KLF12: variants seen among roughly 807,000 people sequenced by gnomAD.
The protein encoded by KLF12 is KLF transcription factor 12, also known as Krueppel-like factor 12.
In KLF12, 9 loss-of-function variants were observed where a neutral mutation model predicts 37.8. The ratio of observed to expected loss-of-function variants is 0.24; its 90% CI spans 0.14 to 0.42. The LOEUF (loss-of-function observed/expected upper bound fraction) is 0.42, where lower values mean the gene tolerates loss of function less well. Among genes scored for constraint, KLF12 ranks in the 10% least tolerant of loss-of-function variants. The pLI, the probability that KLF12 is intolerant of heterozygous loss-of-function variation, is 1.00. For missense variants in KLF12, 411 were observed against 516.0 expected, an observed-to-expected ratio of 0.80 and a Z score of 1.97; for synonymous variants, 208 against 202.1, an observed-to-expected ratio of 1.03 and a Z score of -0.25.
At chr13:74,202,488 T>C in the KLF12 span, among the ~76,000 whole-genome samples, 1 of 152,164 alleles carries the variant, frequency 6.6e-6, no homozygotes, top group Admixed American at 6.6e-5. Flanking sequence ...TACATCTTTC[T>C]GGTTGCAAGG....
chr13:74,218,121 C>T, the KLF12 span, among the ~76,000 whole-genome samples: 1 of 152,132 alleles, frequency 6.6e-6, no homozygotes, highest in African/African-American at 2.4e-5. Flanking sequence ...AACTGCAAGC[C>T]TTAAAAAAAT....
chr13:73,800,161 C>T (rs1360958466), intron 5 of KLF12: 2 of 151,890 alleles, frequency 1.3e-5, no homozygotes, highest in African/African-American at 2.4e-5. Flanking sequence ...GTTTATTCTC[C>T]TAGAATAAGC....
chr13:73,875,489 A>G (rs953231038), intron 3 of KLF12, among the ~76,000 whole-genome samples: 46 of 152,144 alleles, frequency 3.0e-4, no homozygotes, highest in Non-Finnish European at 6.0e-4. Context: ...ATTTTCAGAA[A>G]TTTGATGAAG....
intron 3 of KLF12, among the ~76,000 whole-genome samples, chr13:73,879,140 T>G (rs1886859788): frequency 6.6e-6 from 1 of 152,210 alleles, no homozygotes; most frequent in Admixed American, 6.5e-5. Flanking sequence ...AGGACAGACC[T>G]AGAGACTCTT....
chr13:74,146,246 T>TCCCG, the KLF12 span, among the ~76,000 whole-genome samples: 5 of 152,232 alleles, frequency 3.3e-5, no homozygotes, highest in African/African-American at 1.2e-4. Flanking sequence ...ATACAGACTT[T>TCCCG]CCTGCCGCTC....
the KLF12 span, among the ~76,000 whole-genome samples, chr13:74,166,648 A>G: frequency 6.6e-6 from 1 of 151,986 alleles, no homozygotes; most frequent in African/African-American, 2.4e-5. Flanking sequence ...TATTTTTATT[A>G]CTTATTTTCT....
chr13:74,227,167 G>A, the KLF12 span, among the ~76,000 whole-genome samples: 77 of 152,050 alleles, frequency 5.1e-4, no homozygotes, highest in Middle Eastern at 3.4e-3. Context: ...TCTCTTCATC[G>A]CCTGTGACAG....
the KLF12 span, among the ~76,000 whole-genome samples, chr13:74,279,191 A>G: frequency 6.6e-6 from 1 of 152,096 alleles, no homozygotes; most frequent in African/African-American, 2.4e-5. Flanking sequence ...CCATCACAGC[A>G]CTGGGATATT....
At chr13:74,234,619 C>G in the KLF12 span, among the ~76,000 whole-genome samples, 1 of 151,852 alleles carries the variant, frequency 6.6e-6, no homozygotes, top group African/African-American at 2.4e-5. Flanking sequence ...GGTATTGGAG[C>G]AAAGGAAAAG....
At chr13:73,801,378 T>C (rs546166871) in intron 5 of KLF12, 4 of 152,248 alleles carry the variant, frequency 2.6e-5, no homozygotes, top group African/African-American at 9.6e-5. Flanking sequence ...TATTACTCTA[T>C]GGTTTTCTAT....
intron 3 of KLF12, among the ~76,000 whole-genome samples, chr13:73,931,126 G>A (rs1451228343): frequency 1.3e-5 from 2 of 151,926 alleles, no homozygotes; most frequent in African/African-American, 4.8e-5. Context: ...CCAAAGTGCT[G>A]GCATTACAGG....
At chr13:74,247,179 A>G in the KLF12 span, among the ~76,000 whole-genome samples, 43 of 152,320 alleles carry the variant, frequency 2.8e-4, no homozygotes, top group Non-Finnish European at 5.1e-4. Flanking sequence ...TGTTTCTTAC[A>G]TTGCAGTCAA....
chr13:73,841,699 T>A (rs2138657029), intron 4 of KLF12, among the ~76,000 whole-genome samples: 1 of 152,278 alleles, frequency 6.6e-6, no homozygotes, highest in South Asian at 2.1e-4. Flanking sequence ...CAAGAGTAAA[T>A]GCAGTTTATG....
chr13:74,268,657 C>T, the KLF12 span, among the ~76,000 whole-genome samples: 1 of 152,104 alleles, frequency 6.6e-6, no homozygotes, highest in Non-Finnish European at 1.5e-5. Context: ...TGATTTCTCT[C>T]AGAGATAGAT....
At chr13:74,240,412 A>G in the KLF12 span, among the ~76,000 whole-genome samples, 1 of 78,326 alleles carries the variant, frequency 1.3e-5, no homozygotes, top group East Asian at 3.2e-4. Context: ...GAATCTGACA[A>G]TTATGTGTCT....
At chr13:73,942,887 G>T (rs1032553871) in intron 3 of KLF12, among the ~76,000 whole-genome samples, 1 of 152,120 alleles carries the variant, frequency 6.6e-6, no homozygotes, top group Non-Finnish European at 1.5e-5. Context: ...ATATTGAGAT[G>T]CCACACAGCC....
intron 7 of KLF12, among the ~76,000 whole-genome samples, chr13:73,704,866 T>G (rs1312854812): frequency 6.6e-6 from 1 of 152,164 alleles, no homozygotes; most frequent in African/African-American, 2.4e-5. Context: ...AATAAAGACT[T>G]GTTGATCAAA....
chr13:73,772,076 G>A (rs1223234440), intron 5 of KLF12, among the ~76,000 whole-genome samples: 1 of 152,226 alleles, frequency 6.6e-6, no homozygotes, highest in Non-Finnish European at 1.5e-5. Context: ...AATGTCTAAG[G>A]AGTCGGGAAC....
chr13:73,834,600 T>C (rs1016573098), intron 4 of KLF12, among the ~76,000 whole-genome samples: 6 of 151,998 alleles, frequency 3.9e-5, no homozygotes, highest in African/African-American at 1.5e-4. Context: ...AACCTTTGCC[T>C]TTCAGGTTCA....
Sources: allele counts gnomAD v4.1 joint callset (sites outside exome capture counted in the v4.1 genomes callset), GRCh38; gene constraint gnomAD v4.1.1; transcripts MANE v1.5; gene names NCBI Gene and HGNC (gene_info 2026-07-23, HGNC 2026-07-21).